Variants in GALNT10 observed in about 807,000 individuals in gnomAD.
The protein encoded by GALNT10 is GalNAc transferase 10.
Under a neutral mutation model 75.0 loss-of-function variants are expected in GALNT10, and 41 were observed. The observed-to-expected ratio is 0.55, with a 90% confidence interval of 0.43 to 0.71. The LOEUF (loss-of-function observed/expected upper bound fraction) is 0.71, where lower values mean the gene tolerates loss of function less well. Among genes scored for constraint, GALNT10 ranks in the 30% least tolerant of loss-of-function variants. GALNT10 has a pLI of 0.00. For missense variants in GALNT10, 727 were observed against 818.5 expected, an observed-to-expected ratio of 0.89 and a Z score of 1.36; for synonymous variants, 302 against 313.0, an observed-to-expected ratio of 0.96 and a Z score of 0.37.
chr5:154,415,827 C>G lies in GALNT10; in HGVS notation c.1548C>G (p.Pro516=). 1 of 1,614,116 alleles carries G rather than the reference C, an allele frequency of 6.2e-7. No individual in the cohort carries two copies. ...TWREDIRPGD[P]QHTKKFCFDA... ...GAGAGGACATCCGGCCTGGAGACCC[C>G]CAGCACACCAAGAAGTTCTGCTTTG... is the stretch of plus-strand genomic sequence containing the variant. The change falls in exon 11 of 12, where the codon CCC becomes CCG. Residue 516 remains proline, a synonymous_variant. Coordinates refer to ENST00000297107, the MANE Select transcript of GALNT10 (RefSeq NM_198321.4).
intron 1 of GALNT10, among the ~76,000 whole-genome samples, chr5:154,195,638 C>T (rs1049527892): frequency 6.6e-6 from 1 of 152,138 alleles, no homozygotes; most frequent in Non-Finnish European, 1.5e-5. Context: ...AAAACTGAGG[C>T]CGAGAAAAAG....
chr5:154,306,984 AT>A (rs1209290325), intron 3 of GALNT10, among the ~76,000 whole-genome samples: 1 of 152,232 alleles, frequency 6.6e-6, no homozygotes, highest in Non-Finnish European at 1.5e-5. Flanking sequence ...GGTCAATTAA[AT>A]TGATTAACAT....
chr5:154,212,641 G>T (rs1305410881), intron 1 of GALNT10, among the ~76,000 whole-genome samples: 1 of 152,202 alleles, frequency 6.6e-6, no homozygotes, highest in Admixed American at 6.5e-5. Flanking sequence ...GCTTGTAAGT[G>T]AGTGAGTTAC....
At chr5:154,323,140 C>A (rs139410603) in intron 3 of GALNT10, among the ~76,000 whole-genome samples, 67 of 152,290 alleles carry the variant, frequency 4.4e-4, no homozygotes, top group Admixed American at 9.8e-4. Context: ...GTAAATGTTA[C>A]GGGCTTTGCG....
chr5:154,228,568 C>G (rs912373508), intron 1 of GALNT10, among the ~76,000 whole-genome samples: 2 of 152,168 alleles, frequency 1.3e-5, no homozygotes, highest in Non-Finnish European at 2.9e-5. Context: ...GATTATGGAC[C>G]AAAAACCTGT....
At chr5:154,291,936 A>T (rs1380934022) in intron 1 of GALNT10, among the ~76,000 whole-genome samples, 1 of 152,210 alleles carries the variant, frequency 6.6e-6, no homozygotes, top group Non-Finnish European at 1.5e-5. Context: ...TGATGAGCTG[A>T]GGGAAGTCAG....
chr5:154,403,245 G>A (rs1018614703), intron 7 of GALNT10, among the ~76,000 whole-genome samples: 1 of 152,164 alleles, frequency 6.6e-6, no homozygotes, highest in Non-Finnish European at 1.5e-5. Flanking sequence ...GTAAGTGGCT[G>A]AGCCAGGATT....
intron 1 of GALNT10, among the ~76,000 whole-genome samples, chr5:154,242,393 G>A (rs1753350821): frequency 6.6e-6 from 1 of 152,128 alleles, no homozygotes; most frequent in Non-Finnish European, 1.5e-5. Context: ...TATGGTTTGA[G>A]AATTGCTGGT....
chr5:154,362,451 G>A (rs190342147), intron 4 of GALNT10, among the ~76,000 whole-genome samples: 1 of 152,252 alleles, frequency 6.6e-6, no homozygotes, highest in Non-Finnish European at 1.5e-5. Context: ...CACTGCTAGG[G>A]TAGGGGGAAA....
chr5:154,399,964 G>A (rs138485667), intron 7 of GALNT10, among the ~76,000 whole-genome samples: 26 of 152,140 alleles, frequency 1.7e-4, no homozygotes, highest in African/African-American at 6.0e-4. Flanking sequence ...GCAACACAGG[G>A]AGACCCCCAT....
intron 1 of GALNT10, among the ~76,000 whole-genome samples, chr5:154,267,205 C>T (rs147604435): frequency 6.6e-6 from 1 of 152,080 alleles, no homozygotes; most frequent in Non-Finnish European, 1.5e-5. Flanking sequence ...GTACGATTTG[C>T]AATATGGGAT....
intron 7 of GALNT10, among the ~76,000 whole-genome samples, chr5:154,390,474 G>T (rs1219757446): frequency 1.3e-5 from 2 of 152,158 alleles, no homozygotes; most frequent in Non-Finnish European, 2.9e-5. Flanking sequence ...TACTACGTTG[G>T]AGGAGTCTGA....
chr5:154,340,700 T>C (rs1239957633), intron 4 of GALNT10, among the ~76,000 whole-genome samples: 1 of 152,204 alleles, frequency 6.6e-6, no homozygotes, highest in Non-Finnish European at 1.5e-5. Flanking sequence ...CTTCAGAGCT[T>C]CTTCCCAATT....
At chr5:154,297,804 G>C in intron 2 of GALNT10, 137 bp from the exon 3 acceptor site, 1 of 364,896 alleles carries the variant, frequency 2.7e-6, no homozygotes, top group Non-Finnish European at 4.8e-6. Flanking sequence ...TTTGTACTGA[G>C]CAAAAACTGA....
In GALNT10 at chr5:154,419,795, A is replaced by G. The variant is rs1756591984; in HGVS notation, c.*2823A>G. 6.6e-6 allele frequency: 1 copy of G among 152,216 alleles called. No individual in the cohort carries two copies. Among genetic ancestry groups the G allele is most frequent in the Admixed American group, 6.5e-5 (1 of 15,280 alleles). 9.4% of individuals were successfully genotyped at this position (152,216 alleles called of 1,614,324 possible). Reference sequence around the variant, plus strand: ...GTCTCAAGGATTCAGGTTTCTGCTCACATCCCCAGCTGATGCTCAATAAAA... The same window carrying G: ...GTCTCAAGGATTCAGGTTTCTGCTCGCATCCCCAGCTGATGCTCAATAAAA... On this transcript the variant is annotated 3_prime_UTR_variant, in exon 12 of 12. Coordinates refer to ENST00000297107, the MANE Select transcript of GALNT10 (RefSeq NM_198321.4).
chr5:154,250,362 A>G (rs1202838848), intron 1 of GALNT10, among the ~76,000 whole-genome samples: 3 of 152,196 alleles, frequency 2.0e-5, no homozygotes, highest in Non-Finnish European at 4.4e-5. Flanking sequence ...CTTCAGCTGC[A>G]AGTGATGGAA....
intron 4 of GALNT10, among the ~76,000 whole-genome samples, chr5:154,370,234 C>T (rs1314904978): frequency 6.6e-6 from 1 of 152,214 alleles, no homozygotes; most frequent in Non-Finnish European, 1.5e-5. Context: ...TTCGCAGACG[C>T]CTCTGGCTTG....
At chr5:154,197,044 C>T (rs1774956087) in intron 1 of GALNT10, among the ~76,000 whole-genome samples, 1 of 152,172 alleles carries the variant, frequency 6.6e-6, no homozygotes, top group Non-Finnish European at 1.5e-5. Context: ...ACCGAACCTG[C>T]AGTCTGGAGG....
chr5:154,399,980 C>CA (rs897320374), intron 7 of GALNT10, among the ~76,000 whole-genome samples: 71 of 150,248 alleles, frequency 4.7e-4, no homozygotes, highest in African/African-American at 7.8e-4. Flanking sequence ...CCCATGTCTA[C>CA]AAAAAAAAAT....
Sources: allele counts gnomAD v4.1 joint callset (sites outside exome capture counted in the v4.1 genomes callset), GRCh38; gene constraint gnomAD v4.1.1; transcripts MANE v1.5; gene names NCBI Gene and HGNC (gene_info 2026-07-23, HGNC 2026-07-21).